Variants in RABGAP1L observed in about 807,000 individuals in gnomAD.
The protein encoded by RABGAP1L is rab GTPase-activating protein 1-like.
In RABGAP1L, 63 loss-of-function variants were observed where a neutral mutation model predicts 137.7. The observed-to-expected ratio is 0.46, with a 90% CI of 0.37 to 0.56. The LOEUF is 0.56. Ranked by LOEUF, RABGAP1L falls within the 20% of genes least tolerant of loss-of-function variation. The pLI is 0.00. For missense variants in RABGAP1L, 1,095 were observed against 1,244.0 expected, an observed-to-expected ratio of 0.88 and a Z score of 1.80; for synonymous variants, 431 against 433.7, an observed-to-expected ratio of 0.99 and a Z score of 0.08.
At chr1:174,204,746 C>G (rs1053889860) in intron 1 of RABGAP1L, among the ~76,000 whole-genome samples, 1 of 152,096 alleles carries the variant, frequency 6.6e-6, no homozygotes, top group African/African-American at 2.4e-5. Flanking sequence ...CGGATGTCTC[C>G]CTTGCTGTTC....
At chr1:174,857,902 A>G (rs980039719) in intron 19 of RABGAP1L, among the ~76,000 whole-genome samples, 1 of 152,232 alleles carries the variant, frequency 6.6e-6, no homozygotes, top group African/African-American at 2.4e-5. Context: ...CAGAAACAAT[A>G]TCAGATTGGT....
At chr1:174,717,456 C>T (rs1356993223) in intron 17 of RABGAP1L, among the ~76,000 whole-genome samples, 1 of 152,056 alleles carries the variant, frequency 6.6e-6, no homozygotes, top group Non-Finnish European at 1.5e-5. Context: ...GATAAATATC[C>T]AATAGTACTG....
At chr1:174,160,277 AC>A (rs140164076) in intron 1 of RABGAP1L, among the ~76,000 whole-genome samples, 44,738 of 151,500 alleles carry the variant, frequency 0.3, 7,013 homozygotes, top group African/African-American at 0.37. Context: ...CCTCCCCCCA[AC>A]CCCCACCCAC....
chr1:174,548,678 T>G (rs1666212489), intron 13 of RABGAP1L: 1 of 611,322 alleles, frequency 1.6e-6, no homozygotes, highest in Non-Finnish European at 2.0e-6. Context: ...TGCTTAATTA[T>G]TCATTTTGGT....
In RABGAP1L at chr1:174,418,766, C is replaced by T. The variant is rs147373278; in HGVS notation, c.1710+24621C>T. On this transcript the variant is annotated intron_variant, in intron 13 of 25. Transcript: ENST00000681986. ...TAAATTTTAGAATACAGTCTGGGTG[C>T]GGTGGCTCATGCCTATAATCCCAGC... 5.8e-3 allele frequency among the ~76,000 whole-genome samples: 882 copies of T among 152,148 alleles called. 9 individuals carry two copies. Among genetic ancestry groups the T allele is most frequent in the African/African-American group, 0.02 (840 of 41,494 alleles).
intron 23 of RABGAP1L, among the ~76,000 whole-genome samples, chr1:174,980,251 C>T (rs1019495027): frequency 6.6e-5 from 10 of 152,068 alleles, no homozygotes; most frequent in African/African-American, 2.2e-4. Context: ...CGCATATTCA[C>T]GGACGATTGA....
At chr1:174,562,259 A>G (rs1667274228) in intron 13 of RABGAP1L, among the ~76,000 whole-genome samples, 2 of 152,250 alleles carry the variant, frequency 1.3e-5, no homozygotes, top group African/African-American at 4.8e-5. Flanking sequence ...AAAAATGCTC[A>G]TCATCACTGG....
intron 11 of RABGAP1L, among the ~76,000 whole-genome samples, chr1:174,335,812 G>T (rs146163028): frequency 9.4e-4 from 143 of 152,276 alleles, no homozygotes; most frequent in African/African-American, 3.1e-3. Context: ...GGGCATATTT[G>T]TGTATTAATT....
chr1:174,879,567 T>C (rs1423215788), intron 19 of RABGAP1L, among the ~76,000 whole-genome samples: 1 of 152,236 alleles, frequency 6.6e-6, no homozygotes, highest in Non-Finnish European at 1.5e-5. Context: ...CATTTAGAGA[T>C]ATATATTGAA....
At chr1:174,885,057 T>C in intron 19 of RABGAP1L, among the ~76,000 whole-genome samples, 1 of 152,210 alleles carries the variant, frequency 6.6e-6, no homozygotes, top group Admixed American at 6.5e-5. Context: ...GATTACTTAA[T>C]CTCAAACCTC....
intron 15 of RABGAP1L, among the ~76,000 whole-genome samples, chr1:174,697,412 C>T (rs148831919): frequency 1.0e-3 from 157 of 152,242 alleles, no homozygotes; most frequent in Non-Finnish European, 1.8e-3. Context: ...ACCTCCACCT[C>T]CCAGGTCAAG....
intron 17 of RABGAP1L, among the ~76,000 whole-genome samples, chr1:174,725,041 T>G (rs1409401354): frequency 6.6e-6 from 1 of 152,148 alleles, no homozygotes; most frequent in Non-Finnish European, 1.5e-5. Context: ...GGTGGCCATA[T>G]TGAGGAGGAC....
intron 13 of RABGAP1L, among the ~76,000 whole-genome samples, chr1:174,434,148 CA>C (rs1652987551): frequency 4.0e-5 from 6 of 151,144 alleles, no homozygotes; most frequent in East Asian, 1.9e-4. Context: ...CACACACACA[CA>C]CACCCTGCCT....
intron 21 of RABGAP1L, among the ~76,000 whole-genome samples, chr1:174,973,364 CTTTTCT>C (rs1322403058): frequency 1.3e-5 from 2 of 148,540 alleles, no homozygotes; most frequent in East Asian, 3.9e-4. Context: ...TCCCCCTTTT[CTTTTCT>C]TTTTCTTTCA....
chr1:174,311,319 C>T (rs1471201072), intron 11 of RABGAP1L, among the ~76,000 whole-genome samples: 3 of 152,128 alleles, frequency 2.0e-5, no homozygotes, highest in Non-Finnish European at 2.9e-5. Context: ...AATTCATTCA[C>T]TATCATGAGA....
chr1:174,891,358 T>C (rs557142428), intron 19 of RABGAP1L, among the ~76,000 whole-genome samples: 32 of 152,230 alleles, frequency 2.1e-4, no homozygotes, highest in Non-Finnish European at 4.1e-4. Flanking sequence ...ACTGATATTT[T>C]AAATTCTATA....
intron 17 of RABGAP1L, among the ~76,000 whole-genome samples, chr1:174,718,781 G>T (rs1256647857): frequency 6.6e-6 from 1 of 151,598 alleles, no homozygotes; most frequent in Non-Finnish European, 1.5e-5. Context: ...TGAAGTACCA[G>T]TGTTCCCTCA....
chr1:174,904,032 C>T (rs192593038), intron 19 of RABGAP1L, among the ~76,000 whole-genome samples: 2 of 151,954 alleles, frequency 1.3e-5, no homozygotes, highest in East Asian at 1.9e-4. Flanking sequence ...CCTCCACTCT[C>T]CCCTCCCCCC....
At chr1:174,494,065 A>G (rs1660520915) in intron 13 of RABGAP1L, among the ~76,000 whole-genome samples, 1 of 152,136 alleles carries the variant, frequency 6.6e-6, no homozygotes, top group African/African-American at 2.4e-5. Flanking sequence ...TTTTGGGAGT[A>G]TATATTTAGA....
Sources: allele counts gnomAD v4.1 joint callset (sites outside exome capture counted in the v4.1 genomes callset), GRCh38; gene constraint gnomAD v4.1.1; transcripts MANE v1.5; gene names NCBI Gene and HGNC (gene_info 2026-07-23, HGNC 2026-07-21).